CTNND2: variants seen among roughly 807,000 people sequenced by gnomAD.
CTNND2 encodes catenin delta-2.
CTNND2 carries 22 observed loss-of-function variants against 144.4 expected under a neutral mutation model. The ratio of observed to expected loss-of-function variants is 0.15; its 90% CI spans 0.11 to 0.22. CTNND2 has a LOEUF of 0.22. CTNND2 is among the 10% of genes least tolerant of loss of function. The probability of loss-of-function intolerance (pLI) is 1.00; values close to 1 mark genes in which losing one functional copy is unlikely to be tolerated. For missense variants in CTNND2, 1,353 were observed against 1,618.8 expected (o/e 0.84, Z 2.82); for synonymous variants, 751 against 695.6 (o/e 1.08, Z -1.25).
At chr5:11,498,373 T>A (rs982204582) in intron 3 of CTNND2, among the ~76,000 whole-genome samples, 3 of 152,112 alleles carry the variant, frequency 2.0e-5, no homozygotes, top group African/African-American at 7.2e-5. Context: ...GGAACCTTGA[T>A]CATGAACTCT....
At chr5:11,386,109 T>C (rs1033892148) in intron 6 of CTNND2, 4 of 152,216 alleles carry the variant, frequency 2.6e-5, no homozygotes, top group African/African-American at 7.2e-5. Flanking sequence ...GAAAGCACTT[T>C]CCTTGAATCT....
intron 1 of CTNND2, among the ~76,000 whole-genome samples, chr5:11,855,081 G>A (rs771177599): frequency 2.6e-5 from 4 of 152,148 alleles, no homozygotes; most frequent in South Asian, 2.1e-4. Flanking sequence ...AAAGAGCGAC[G>A]GTTACTTGGG....
chr5:11,434,917 G>A (rs1763623176), intron 3 of CTNND2, among the ~76,000 whole-genome samples: 1 of 151,908 alleles, frequency 6.6e-6, no homozygotes, highest in Admixed American at 6.6e-5. Flanking sequence ...CTGGATAACT[G>A]CAAAGAAAAT....
At chr5:11,103,070 C>G (rs186848592) in intron 14 of CTNND2, among the ~76,000 whole-genome samples, 2,073 of 146,962 alleles carry the variant, frequency 0.014, 51 homozygotes, top group African/African-American at 0.05. Flanking sequence ...CAACCTCTGC[C>G]TCCTGGGTTG....
At chr5:11,623,398 G>A (rs1780954437) in intron 2 of CTNND2, among the ~76,000 whole-genome samples, 1 of 151,900 alleles carries the variant, frequency 6.6e-6, no homozygotes, top group African/African-American at 2.4e-5. Flanking sequence ...TTTATAAAGG[G>A]TTTCCCCTTT....
At chr5:11,854,148 CCCGTTGTG>C (rs1795146981) in intron 1 of CTNND2, among the ~76,000 whole-genome samples, 1 of 152,214 alleles carries the variant, frequency 6.6e-6, no homozygotes, top group Non-Finnish European at 1.5e-5. Context: ...CCACGGGTGG[CCCGTTGTG>C]CTCACTGCTC....
At chr5:11,662,509 G>A (rs1228267002) in intron 2 of CTNND2, among the ~76,000 whole-genome samples, 1 of 151,932 alleles carries the variant, frequency 6.6e-6, no homozygotes, top group African/African-American at 2.4e-5. Context: ...ACGATTTTCT[G>A]CCTGCTTTAT....
intron 9 of CTNND2, among the ~76,000 whole-genome samples, chr5:11,329,517 G>T (rs11743734): frequency 0.09 from 13,656 of 152,134 alleles, 1,048 homozygotes; most frequent in African/African-American, 0.21. Context: ...GTACTGGGGG[G>T]TTGGGATTTC....
chr5:11,714,317 T>A (rs566252085), intron 2 of CTNND2, among the ~76,000 whole-genome samples: 1 of 152,298 alleles, frequency 6.6e-6, no homozygotes, highest in East Asian at 1.9e-4. Context: ...AATTTTTTTT[T>A]ATGACCAGCT....
intron 1 of CTNND2, among the ~76,000 whole-genome samples, chr5:11,840,303 T>C (rs913867219): frequency 1.3e-5 from 2 of 152,194 alleles, no homozygotes; most frequent in Non-Finnish European, 2.9e-5. Flanking sequence ...TAAATAATGT[T>C]TCTTTGTCAA....
intron 1 of CTNND2, among the ~76,000 whole-genome samples, chr5:11,890,873 G>A (rs2127096698): frequency 6.6e-6 from 1 of 152,314 alleles, no homozygotes; most frequent in East Asian, 1.9e-4. Flanking sequence ...GGACAGAGAG[G>A]GGAGATAAGA....
intron 2 of CTNND2, among the ~76,000 whole-genome samples, chr5:11,678,870 G>A (rs1368725548): frequency 6.6e-6 from 1 of 151,876 alleles, no homozygotes. Flanking sequence ...CAAAGGACAG[G>A]TGTGTGTATG....
intron 16 of CTNND2, among the ~76,000 whole-genome samples, chr5:11,059,101 C>G (rs1260403366): frequency 6.6e-6 from 1 of 152,088 alleles, no homozygotes; most frequent in African/African-American, 2.4e-5. Context: ...TGAGTTAATG[C>G]TGAAATGAGT....
intron 8 of CTNND2, among the ~76,000 whole-genome samples, chr5:11,361,922 G>A (rs1043395858): frequency 1.3e-5 from 2 of 152,190 alleles, no homozygotes; most frequent in Non-Finnish European, 2.9e-5. Context: ...ATCTGGAAAT[G>A]CCTTATGAAT....
At chr5:11,853,575 C>T (rs1240670335) in intron 1 of CTNND2, among the ~76,000 whole-genome samples, 1 of 152,194 alleles carries the variant, frequency 6.6e-6, no homozygotes, top group Non-Finnish European at 1.5e-5. Context: ...GATCCACTGC[C>T]ACTTAGATCC....
chr5:10,986,767 G>A (rs756970934), intron 20 of CTNND2: 20 of 433,742 alleles, frequency 4.6e-5, no homozygotes, highest in Non-Finnish European at 6.4e-5. Context: ...AGAAACATCC[G>A]TTTATTATAG....
intron 2 of CTNND2, among the ~76,000 whole-genome samples, chr5:11,652,007 A>G (rs1782668737): frequency 6.6e-6 from 1 of 152,104 alleles, no homozygotes; most frequent in Non-Finnish European, 1.5e-5. Flanking sequence ...TTGAGAAGGG[A>G]TGATTGTATT....
chr5:11,265,698 ATTTTTTTTTTTTT>A (rs5865929), intron 9 of CTNND2, among the ~76,000 whole-genome samples: 1 of 77,418 alleles, frequency 1.3e-5, no homozygotes, highest in South Asian at 4.4e-4. Context: ...TGTATTCTCT[ATTTTTTTTTTTTT>A]TTTTTTTTTT....
chr5:11,489,979 A>C (rs905360136), intron 3 of CTNND2, among the ~76,000 whole-genome samples: 6 of 152,198 alleles, frequency 3.9e-5, no homozygotes, highest in Non-Finnish European at 8.8e-5. Flanking sequence ...CTTTGCAGCC[A>C]GCCCAGTACC....
Sources: gnomAD v4.1 joint callset for allele counts (sites outside exome capture counted in the v4.1 genomes callset) on GRCh38, gnomAD v4.1.1 for gene constraint, MANE v1.5 for transcripts, NCBI Gene and HGNC (gene_info 2026-07-23, HGNC 2026-07-21) for gene names.